KCNIP4: variants seen among roughly 807,000 people sequenced by gnomAD.
KCNIP4 encodes potassium voltage-gated channel interacting protein 4.
Under a neutral mutation model 34.0 loss-of-function variants are expected in KCNIP4, and 12 were observed. The observed-to-expected ratio is 0.35, with a 90% CI of 0.23 to 0.57. The LOEUF is 0.57. Among genes scored for constraint, KCNIP4 ranks in the 20% least tolerant of loss-of-function variants. The pLI is 0.83. For missense variants in KCNIP4, 238 were observed against 311.7 expected (o/e 0.76, Z 1.78); for synonymous variants, 124 against 102.2 (o/e 1.21, Z -1.29).
At chr4:20,768,042 G>A (rs764937095) in intron 3 of KCNIP4, among the ~76,000 whole-genome samples, 1 of 152,102 alleles carries the variant, frequency 6.6e-6, no homozygotes, top group Non-Finnish European at 1.5e-5. Flanking sequence ...TTCTATAATT[G>A]CAGGAGAATT....
chr4:21,272,219 C>G (rs879707104), intron 1 of KCNIP4, among the ~76,000 whole-genome samples: 5 of 152,150 alleles, frequency 3.3e-5, no homozygotes, highest in African/African-American at 1.2e-4. Flanking sequence ...ATAGCAGTAC[C>G]GACCCCATAA....
chr4:20,792,028 T>C (rs1712817971), intron 3 of KCNIP4, among the ~76,000 whole-genome samples: 1 of 152,178 alleles, frequency 6.6e-6, no homozygotes, highest in South Asian at 2.1e-4. Context: ...TATACATCTA[T>C]ACACGTTATT....
chr4:21,026,170 T>C (rs1226436718), intron 1 of KCNIP4, among the ~76,000 whole-genome samples: 3 of 152,160 alleles, frequency 2.0e-5, no homozygotes, highest in African/African-American at 7.2e-5. Flanking sequence ...GAGGTACCAG[T>C]ACCAGAGGAG....
At chr4:20,982,652 T>G (rs1322371786) in intron 1 of KCNIP4, among the ~76,000 whole-genome samples, 2 of 152,264 alleles carry the variant, frequency 1.3e-5, no homozygotes, top group East Asian at 1.9e-4. Context: ...CTAATGAACT[T>G]ACTTTGTAGA....
At chr4:21,435,121 C>T (rs1486695346) in intron 1 of KCNIP4, among the ~76,000 whole-genome samples, 1 of 152,004 alleles carries the variant, frequency 6.6e-6, no homozygotes, top group East Asian at 1.9e-4. Flanking sequence ...TTTCAAAGCA[C>T]AGAGAAAGGC....
intron 1 of KCNIP4, among the ~76,000 whole-genome samples, chr4:21,512,060 GGAAGGAAGGAAGGAAA>G (rs1734364089): frequency 7.3e-6 from 1 of 136,300 alleles, no homozygotes; most frequent in Admixed American, 7.4e-5. Flanking sequence ...AAAGAATGAA[GGAAGGAAGGAAGGAAA>G]GAAGGAAGGA....
intron 1 of KCNIP4, among the ~76,000 whole-genome samples, chr4:21,169,766 C>T (rs939958912): frequency 6.6e-6 from 1 of 151,154 alleles, no homozygotes; most frequent in African/African-American, 2.4e-5. Context: ...AACAGAAGGA[C>T]ATCAGAATGG....
chr4:21,723,764 T>C (rs1214491611), intron 1 of KCNIP4, among the ~76,000 whole-genome samples: 4 of 152,162 alleles, frequency 2.6e-5, no homozygotes, highest in African/African-American at 9.7e-5. Flanking sequence ...AACTTTGATA[T>C]AATAAATTTC....
intron 1 of KCNIP4, among the ~76,000 whole-genome samples, chr4:21,049,491 A>G (rs1435393514): frequency 6.6e-6 from 1 of 152,208 alleles, no homozygotes; most frequent in Non-Finnish European, 1.5e-5. Context: ...CACATTTATT[A>G]TCTCTAAGGA....
intron 1 of KCNIP4, among the ~76,000 whole-genome samples, chr4:21,346,034 A>G (rs1717278524): frequency 6.9e-6 from 1 of 145,108 alleles, no homozygotes. Context: ...TCCTGGGTGG[A>G]GTGGCACAAT....
chr4:20,933,414 T>C (rs920401764), intron 1 of KCNIP4, among the ~76,000 whole-genome samples: 1 of 152,172 alleles, frequency 6.6e-6, no homozygotes, highest in Non-Finnish European at 1.5e-5. Context: ...AAGTAAATGT[T>C]CTAAGTTAAT....
At chr4:20,902,882 G>A (rs908163123) in intron 1 of KCNIP4, among the ~76,000 whole-genome samples, 6 of 152,200 alleles carry the variant, frequency 3.9e-5, no homozygotes, top group Non-Finnish European at 5.9e-5. Flanking sequence ...TCTCTGGTAT[G>A]TGTAGTGGCA....
At chr4:21,602,472 C>T (rs1029107324) in intron 1 of KCNIP4, among the ~76,000 whole-genome samples, 3 of 151,870 alleles carry the variant, frequency 2.0e-5, no homozygotes, top group Non-Finnish European at 2.9e-5. Context: ...CAGTGATGAT[C>T]AGAGTGATGG....
intron 4 of KCNIP4, among the ~76,000 whole-genome samples, chr4:20,754,122 A>C (rs1398577980): frequency 6.6e-6 from 1 of 152,182 alleles, no homozygotes; most frequent in East Asian, 1.9e-4. Context: ...TATAGGCAAT[A>C]GCACCAACAA....
chr4:21,770,418 G>A (rs6855072), intron 1 of KCNIP4, among the ~76,000 whole-genome samples: 87,714 of 151,788 alleles, frequency 0.58, 27,526 homozygotes, highest in Non-Finnish European at 0.72. Context: ...AATACATACC[G>A]TGTGCATGTG....
At chr4:21,732,155 G>C (rs6836263) in intron 1 of KCNIP4, among the ~76,000 whole-genome samples, 18,027 of 151,742 alleles carry the variant, frequency 0.12, 3,646 homozygotes, top group African/African-American at 0.41. Context: ...GGTGTAATGT[G>C]CCCAGTAATG....
chr4:21,445,778 C>T (rs1269741588), intron 1 of KCNIP4, among the ~76,000 whole-genome samples: 1 of 152,118 alleles, frequency 6.6e-6, no homozygotes, highest in Non-Finnish European at 1.5e-5. Context: ...CAAATGGGAT[C>T]TAATTAAACT....
At chr4:21,026,654 C>A (rs948588216) in intron 1 of KCNIP4, among the ~76,000 whole-genome samples, 3 of 151,594 alleles carry the variant, frequency 2.0e-5, no homozygotes, top group African/African-American at 7.3e-5. Context: ...GATACTGTCT[C>A]AAAAAATAAA....
At chr4:21,525,639 T>C (rs1735908586) in intron 1 of KCNIP4, among the ~76,000 whole-genome samples, 1 of 152,182 alleles carries the variant, frequency 6.6e-6, no homozygotes, top group Non-Finnish European at 1.5e-5. Flanking sequence ...GCAGTGCTCA[T>C]GTTATCACTA....
Sources: allele counts gnomAD v4.1 joint callset (sites outside exome capture counted in the v4.1 genomes callset), GRCh38; gene constraint gnomAD v4.1.1; transcripts MANE v1.5; gene names NCBI Gene and HGNC (gene_info 2026-07-23, HGNC 2026-07-21).